The following CFAP70 variants were observed in gnomAD, a reference collection of about 807,000 sequenced individuals.
The protein encoded by CFAP70 is cilia- and flagella-associated protein 70.
CFAP70 carries 81 observed loss-of-function variants against 137.6 expected under a neutral mutation model. The ratio of observed to expected loss-of-function variants is 0.59; its 90% CI spans 0.49 to 0.71. The LOEUF (loss-of-function observed/expected upper bound fraction) is 0.71. CFAP70 is among the 30% of genes least tolerant of loss of function. CFAP70 has a pLI of 0.00. For missense variants in CFAP70, 976 were observed against 1,226.7 expected (o/e 0.80, Z 3.05); for synonymous variants, 382 against 423.6 (o/e 0.90, Z 1.20).
chr10:73,330,682 A>C (rs750487967), intron 8 of CFAP70, among the ~76,000 whole-genome samples: 20 of 152,068 alleles, frequency 1.3e-4, no homozygotes, highest in Non-Finnish European at 2.8e-4. Context: ...AAATCAGCTT[A>C]CTACATGACC....
chr10:73,277,299 G>A lies in CFAP70; in HGVS notation c.2461C>T (p.Gln821Ter). 2.5e-6 allele frequency: 4 copies of A among 1,614,060 alleles called. No individual in the cohort carries two copies. In the African/African-American group the frequency reaches 5.3e-5, roughly 22 times the overall value. Residue 821 changes from glutamine (Q) to a stop codon, truncating the protein, a stop_gained, in exon 21 of 27, where the codon CAA (glutamine) becomes TAA (stop). Coordinates refer to ENST00000310715, the Ensembl canonical transcript of CFAP70. LOFTEE classifies it high-confidence loss of function. ...GTCTCCATGAAGATGGTGGTAGTTT[G>A]AGAAACACCATAATGAAGGCCGGGA...
chr10:73,331,611 G>T (rs951483708), intron 7 of CFAP70, among the ~76,000 whole-genome samples: 1 of 152,182 alleles, frequency 6.6e-6, no homozygotes, highest in African/African-American at 2.4e-5. Flanking sequence ...GAGCTCAGGA[G>T]GTCAAGGCTA....
chr10:73,257,873 C>CT (rs2044676395), intron 25 of CFAP70, among the ~76,000 whole-genome samples: 2 of 141,036 alleles, frequency 1.4e-5, no homozygotes, highest in African/African-American at 5.7e-5. Context: ...TCTCCTTTTC[C>CT]TTCTTTTTTT....
intron 12 of CFAP70, among the ~76,000 whole-genome samples, chr10:73,303,700 A>G (rs971603024): frequency 5.3e-5 from 8 of 152,230 alleles, no homozygotes; most frequent in Non-Finnish European, 1.0e-4. Flanking sequence ...TTTATGTACT[A>G]TAAGTGGATA....
chr10:73,287,011 C>T (rs1444395915), intron 19 of CFAP70, among the ~76,000 whole-genome samples: 1 of 152,202 alleles, frequency 6.6e-6, no homozygotes, highest in Non-Finnish European at 1.5e-5. Context: ...TTTCCTCGCC[C>T]TCATTCCAGT....
chr10:73,342,123 T>A (rs1004134723), intron 5 of CFAP70, among the ~76,000 whole-genome samples: 8 of 152,220 alleles, frequency 5.3e-5, no homozygotes, highest in African/African-American at 1.9e-4. Context: ...CAAAGTATAC[T>A]TGCAGTAGAA....
At chr10:73,330,707 G>T (rs150500769) in intron 8 of CFAP70, among the ~76,000 whole-genome samples, 7 of 152,144 alleles carry the variant, frequency 4.6e-5, no homozygotes, top group African/African-American at 7.2e-5. Context: ...CTCTCAGGGA[G>T]TTTATGAACA....
chr10:73,336,843 T>C (rs1376566471), intron 6 of CFAP70, among the ~76,000 whole-genome samples: 1 of 152,098 alleles, frequency 6.6e-6, no homozygotes, highest in Non-Finnish European at 1.5e-5. Context: ...CCCAAAGTGC[T>C]GGGATTACAA....
At chr10:73,312,206 G>A (rs2049976024) in intron 10 of CFAP70, among the ~76,000 whole-genome samples, 1 of 152,136 alleles carries the variant, frequency 6.6e-6, no homozygotes, top group African/African-American at 2.4e-5. Context: ...GGGGGTAAGG[G>A]CCAAGGGGAA....
chr10:73,309,360 GTGTT>G (rs1699631663), intron 12 of CFAP70, among the ~76,000 whole-genome samples: 1 of 152,156 alleles, frequency 6.6e-6, no homozygotes, highest in Non-Finnish European at 1.5e-5. Context: ...ATGCGTGTGT[GTGTT>G]TATGTGTGTA....
intron 3 of CFAP70, 61 bp from the exon 4 acceptor site, chr10:73,348,582 T>C (rs1349883552): frequency 9.1e-7 from 1 of 1,097,688 alleles, no homozygotes; most frequent in East Asian, 2.4e-5. Flanking sequence ...ATAACCAAGC[T>C]GCAACAAACA....
chr10:73,287,760 A>G (rs190478797), intron 19 of CFAP70, among the ~76,000 whole-genome samples: 28 of 152,252 alleles, frequency 1.8e-4, no homozygotes, highest in African/African-American at 2.2e-4. Context: ...CATCAGGCCT[A>G]GAGGGTAAGC....
At chr10:73,253,976 C>T (rs750926559) in exon 27 of CFAP70, 1 of 1,602,854 alleles carries the variant, frequency 6.2e-7, no homozygotes, top group Non-Finnish European at 8.5e-7. Flanking sequence ...GGAGGGGTAT[C>T]AGAAAGATGG....
At chr10:73,341,683 A>C in intron 5 of CFAP70, 102 bp from the exon 7 acceptor site, 1 of 986,584 alleles carries the variant, frequency 1.0e-6, no homozygotes, top group Non-Finnish European at 1.5e-6. Flanking sequence ...GAGTGTTATC[A>C]AACATACCCC....
chr10:73,350,361 T>G (rs916490833), intron 3 of CFAP70, among the ~76,000 whole-genome samples: 1 of 152,206 alleles, frequency 6.6e-6, no homozygotes, highest in Non-Finnish European at 1.5e-5. Context: ...CAGATGAAAA[T>G]AGCATCTAAA....
At chr10:73,300,873 A>G (rs1161751720) in intron 12 of CFAP70, among the ~76,000 whole-genome samples, 1 of 152,214 alleles carries the variant, frequency 6.6e-6, no homozygotes, top group Non-Finnish European at 1.5e-5. Context: ...AAAAATAAAA[A>G]AATAAAAATA....
At chr10:73,359,516 CA>C (rs1419798161), upstream of CFAP70, among the ~76,000 whole-genome samples, 1 of 152,230 alleles carries the variant, frequency 6.6e-6, no homozygotes, top group Non-Finnish European at 1.5e-5. Context: ...ATGAAGTAAA[CA>C]ACGACGATAA....
intron 3 of CFAP70, among the ~76,000 whole-genome samples, chr10:73,351,956 T>C (rs1430863763): frequency 2.6e-5 from 4 of 152,240 alleles, no homozygotes; most frequent in Non-Finnish European, 5.9e-5. Context: ...CAGCCTCCTC[T>C]GACACCTGAT....
intron 8 of CFAP70, among the ~76,000 whole-genome samples, 161 bp downstream of exon 9, chr10:73,331,016 T>C (rs1240046396): frequency 6.6e-6 from 1 of 152,178 alleles, no homozygotes; most frequent in Non-Finnish European, 1.5e-5. Flanking sequence ...AGACTTTCAG[T>C]GCTAAAACAA....
Sources: allele counts gnomAD v4.1 joint callset (sites outside exome capture counted in the v4.1 genomes callset), GRCh38; gene constraint gnomAD v4.1.1; transcripts MANE v1.5; gene names NCBI Gene and HGNC (gene_info 2026-07-23, HGNC 2026-07-21).